Variants in PITPNA observed in about 807,000 individuals in gnomAD.
PITPNA encodes phosphatidylinositol transfer protein alpha.
In PITPNA, 13 loss-of-function variants were observed where a neutral mutation model predicts 50.3. That is an observed-to-expected ratio of 0.26 (90% confidence interval 0.17 to 0.41). The LOEUF is 0.41. Among genes scored for constraint, PITPNA ranks in the 10% least tolerant of loss-of-function variants. The pLI, the probability that PITPNA is intolerant of heterozygous loss-of-function variation, is 1.00. For missense variants in PITPNA, 207 were observed against 333.4 expected (o/e 0.62, Z 2.95); for synonymous variants, 120 against 119.6 (o/e 1.00, Z -0.02).
intron 3 of PITPNA, among the ~76,000 whole-genome samples, chr17:1,550,778 C>A (rs1412252557): frequency 6.6e-6 from 1 of 152,134 alleles, no homozygotes; most frequent in South Asian, 2.1e-4. Context: ...TCAGACAGCA[C>A]GGACTTCGTC....
intron 10 of PITPNA, among the ~76,000 whole-genome samples, chr17:1,522,418 G>A (rs138304336): frequency 6.6e-6 from 1 of 151,740 alleles, no homozygotes; most frequent in Admixed American, 6.6e-5. Flanking sequence ...TGTCGCCCAG[G>A]CTGGAGTGCA....
At chr17:1,528,999 G>C (rs894213042) in intron 10 of PITPNA, among the ~76,000 whole-genome samples, 7 of 151,476 alleles carry the variant, frequency 4.6e-5, no homozygotes, top group East Asian at 3.9e-4. Context: ...TTAGCTGGGC[G>C]TGGTGGCGCA....
chr17:1,524,053 T>C (rs1238383940), intron 10 of PITPNA, among the ~76,000 whole-genome samples: 1 of 149,404 alleles, frequency 6.7e-6, no homozygotes, highest in Non-Finnish European at 1.5e-5. Flanking sequence ...TTCTTTTTTT[T>C]TTTTTTTTTG....
intron 10 of PITPNA, among the ~76,000 whole-genome samples, chr17:1,527,372 T>C (rs940182159): frequency 6.6e-6 from 1 of 151,994 alleles, no homozygotes. Context: ...GCCTCCCGAG[T>C]AGCTGGGATT....
chr17:1,525,621 C>A (rs868706077), intron 10 of PITPNA, among the ~76,000 whole-genome samples: 1 of 150,950 alleles, frequency 6.6e-6, no homozygotes, highest in Admixed American at 6.6e-5. Context: ...CGGGTTCAGG[C>A]GATTCTCCTG....
intron 1 of PITPNA, among the ~76,000 whole-genome samples, chr17:1,559,286 T>C (rs2075756055): frequency 6.6e-6 from 1 of 152,188 alleles, no homozygotes; most frequent in African/African-American, 2.4e-5. Flanking sequence ...TCATTTTCTT[T>C]TCTTCTTCTC....
chr17:1,539,984 G>A (rs940210655), intron 6 of PITPNA, among the ~76,000 whole-genome samples: 15 of 152,210 alleles, frequency 9.9e-5, no homozygotes, highest in Non-Finnish European at 1.8e-4. Context: ...TGTTCCACCC[G>A]CCTTGGCCTC....
rs559747291 is a variant in PITPNA, at chr17:1,536,501, G to C, written c.457-983C>G. On this transcript the variant is annotated intron_variant, in intron 7 of 11. Transcript: ENST00000313486. ...AGACGGGGTTTCACCGTGTTAGCCA[G>C]GATGGTCTCGATCTCCTGACCTCGT... Among the ~76,000 whole-genome samples the C allele has an allele frequency of 1.1e-4, 16 of 152,176 alleles. No individual in the cohort carries two copies. In the South Asian group the frequency reaches 2.5e-3, roughly 24 times the overall value.
At chr17:1,560,694 C>G (rs1179521204) in intron 1 of PITPNA, among the ~76,000 whole-genome samples, 2 of 152,212 alleles carry the variant, frequency 1.3e-5, no homozygotes, top group Non-Finnish European at 2.9e-5. Context: ...ATGGGAAAAG[C>G]CTGTCAGTCT....
At chr17:1,523,052 G>C (rs947709818) in intron 10 of PITPNA, among the ~76,000 whole-genome samples, 10 of 152,282 alleles carry the variant, frequency 6.6e-5, no homozygotes, top group South Asian at 4.1e-4. Context: ...GGAAAGTGCA[G>C]GTGCAGGTCT....
chr17:1,530,158 C>T (rs919670310), intron 10 of PITPNA, among the ~76,000 whole-genome samples: 1 of 152,026 alleles, frequency 6.6e-6, no homozygotes, highest in Non-Finnish European at 1.5e-5. Flanking sequence ...ATTTTTATTA[C>T]TACCATATTT....
chr17:1,523,617 C>T (rs1283710207), intron 10 of PITPNA, among the ~76,000 whole-genome samples: 2 of 151,934 alleles, frequency 1.3e-5, no homozygotes, highest in African/African-American at 4.8e-5. Context: ...AAGCAATTCC[C>T]CTGCCTCAGC....
chr17:1,523,716 G>T (rs1480282583), intron 10 of PITPNA, among the ~76,000 whole-genome samples: 1 of 151,634 alleles, frequency 6.6e-6, no homozygotes, highest in Non-Finnish European at 1.5e-5. Flanking sequence ...TCACCATGTT[G>T]GTCAGGATGA....
At position 1,538,929 on chromosome 17, in the gene PITPNA, C is replaced by T. The variant is rs773388501; in HGVS notation, c.396G>A (p.Ala132=). The change falls in exon 7 of 12, where the codon GCG becomes GCA. Residue 132 remains alanine (A), a synonymous_variant. Coordinates refer to ENST00000313486, the MANE Select transcript of PITPNA (RefSeq NM_006224.4). ...TATATACGGCTTCCACGTGTTTCCACGCCTCAGGCTCCAGCTTATGCACCT... is the reference window on the plus strand; with the variant it reads ...TATATACGGCTTCCACGTGTTTCCATGCCTCAGGCTCCAGCTTATGCACCT... ...QENVHKLEPE[A]WKHVEAVYID... is the part of the protein sequence containing the mutation. 10 of 1,613,436 alleles carry T rather than the reference C, an allele frequency of 6.2e-6. No homozygotes were observed. Among genetic ancestry groups the T allele is most frequent in the South Asian group, 3.3e-5 (3 of 91,062 alleles).
chr17:1,539,745 C>T (rs9894968), intron 6 of PITPNA, among the ~76,000 whole-genome samples: 79,537 of 152,126 alleles, frequency 0.52, 20,887 homozygotes, highest in East Asian at 0.69. Flanking sequence ...GCTGGATTGT[C>T]TGTTTGTCTG....
chr17:1,525,290 T>TA (rs1389693716), intron 10 of PITPNA, among the ~76,000 whole-genome samples: 1 of 151,918 alleles, frequency 6.6e-6, no homozygotes, highest in Non-Finnish European at 1.5e-5. Context: ...ACCCGGCCAA[T>TA]AAAAAATTAT....
intron 2 of PITPNA, among the ~76,000 whole-genome samples, chr17:1,553,481 A>G (rs1387733648): frequency 1.3e-5 from 2 of 152,098 alleles, no homozygotes; most frequent in African/African-American, 2.4e-5. Context: ...GTCTCAAGCC[A>G]TCCTCCCACC....
intron 3 of PITPNA, 26 bp downstream of exon 3, chr17:1,552,978 C>A: frequency 6.2e-7 from 1 of 1,611,678 alleles, no homozygotes; most frequent in Non-Finnish European, 8.5e-7. Flanking sequence ...AAGCCAGCAT[C>A]CGGCCCCGCT....
At chr17:1,543,083 A>C in intron 4 of PITPNA, 56 bp from the exon 5 acceptor site, 1 of 1,407,232 alleles carries the variant, frequency 7.1e-7, no homozygotes. Context: ...GAAGATGAAG[A>C]AATATCTGCC....
Sources: gnomAD v4.1 joint callset for allele counts (sites outside exome capture counted in the v4.1 genomes callset) on GRCh38, gnomAD v4.1.1 for gene constraint, MANE v1.5 for transcripts, NCBI Gene and HGNC (gene_info 2026-07-23, HGNC 2026-07-21) for gene names.